The following CSMD1 variants were observed in gnomAD, a reference collection of about 807,000 sequenced individuals.
CSMD1 encodes CUB and Sushi multiple domains 1.
Under a neutral mutation model 417.5 loss-of-function variants are expected in CSMD1, and 213 were observed. The ratio of observed to expected loss-of-function variants is 0.51; its 90% CI spans 0.46 to 0.57. The LOEUF is 0.57. Among genes scored for constraint, CSMD1 ranks in the 20% least tolerant of loss-of-function variants. The pLI is 0.00. For missense variants in CSMD1, 6,923 were observed against 4,529.7 expected, an observed-to-expected ratio of 1.53 and a Z score of -15.17; for synonymous variants, 2,862 against 1,736.8, an observed-to-expected ratio of 1.65 and a Z score of -16.11.
In CSMD1 at chr8:3,419,958, C is replaced by T. The variant is rs56322726; in HGVS notation, c.1562-10353G>A. Among the ~76,000 whole-genome samples the T allele has an allele frequency of 3.9e-3, 598 of 152,208 alleles. 3 individuals carry two copies. Among genetic ancestry groups the T allele is most frequent in the African/African-American group, 0.013 (552 of 41,536 alleles). ...ACTTCCTGTGAGTTGCTAGAAGTAC[C>T]TGTTTACCTAATTGTGGATAATAAT... On this transcript the variant is annotated intron_variant, in intron 12 of 69. Transcript: ENST00000635120.
chr8:4,768,941 C>T (rs765872084), intron 1 of CSMD1, among the ~76,000 whole-genome samples: 4 of 152,108 alleles, frequency 2.6e-5, no homozygotes, highest in African/African-American at 4.8e-5. Flanking sequence ...CACCATTTAC[C>T]TAAAAGTCAG....
chr8:4,006,216 G>C (rs1377292165), intron 4 of CSMD1, among the ~76,000 whole-genome samples: 3 of 152,116 alleles, frequency 2.0e-5, no homozygotes, highest in Admixed American at 6.5e-5. Flanking sequence ...TTCCGGGACA[G>C]AAATATATTG....
chr8:3,241,020 G>A (rs186418727), intron 26 of CSMD1, among the ~76,000 whole-genome samples: 1,841 of 149,600 alleles, frequency 0.012, 102 homozygotes, highest in Admixed American at 0.089. Flanking sequence ...GTGCATGATC[G>A]GTCACCAAGG....
At chr8:3,833,282 G>A (rs939292006) in intron 5 of CSMD1, among the ~76,000 whole-genome samples, 4 of 151,984 alleles carry the variant, frequency 2.6e-5, no homozygotes, top group Non-Finnish European at 5.9e-5. Flanking sequence ...TTACAACACT[G>A]ATATCTGTTT....
intron 1 of CSMD1, among the ~76,000 whole-genome samples, chr8:4,660,442 T>C (rs1238772848): frequency 2.0e-5 from 3 of 152,028 alleles, no homozygotes; most frequent in Non-Finnish European, 4.4e-5. Context: ...AAGATATCAA[T>C]GATCCCAAAA....
chr8:3,907,566 G>A (rs73495996), intron 5 of CSMD1, among the ~76,000 whole-genome samples: 1 of 152,158 alleles, frequency 6.6e-6, no homozygotes, highest in African/African-American at 2.4e-5. Context: ...CCAAGTGTGA[G>A]TTACCAGTGG....
intron 3 of CSMD1, among the ~76,000 whole-genome samples, chr8:4,302,681 C>G (rs1019393717): frequency 5.9e-5 from 9 of 152,168 alleles, no homozygotes; most frequent in African/African-American, 2.2e-4. Context: ...GCATTCATCT[C>G]TACTAAACTG....
In CSMD1 at chr8:4,347,984, T is replaced by G. The variant is rs531365336; in HGVS notation, c.415+71969A>C. ...AATTTATACACGGGAAGCACTACAC[T>G]GGCAAACATGCGTCACTTATTTTAC... On this transcript the variant is annotated intron_variant, in intron 3 of 69. Transcript: ENST00000635120. 2.0e-5 allele frequency among the ~76,000 whole-genome samples: 3 copies of G among 152,240 alleles called. No individual in the cohort carries two copies. In the East Asian group the frequency reaches 5.8e-4, roughly 29 times the overall value.
chr8:3,041,649 G>A (rs1272083157), intron 50 of CSMD1, among the ~76,000 whole-genome samples: 2 of 152,222 alleles, frequency 1.3e-5, no homozygotes, highest in Non-Finnish European at 2.9e-5. Flanking sequence ...TACATAGATA[G>A]AAATGTGTGC....
chr8:4,321,306 C>T (rs1476168141), intron 3 of CSMD1, among the ~76,000 whole-genome samples: 1 of 152,094 alleles, frequency 6.6e-6, no homozygotes, highest in African/African-American at 2.4e-5. Context: ...CAGTCTCTTG[C>T]CTATTGTTTC....
At chr8:3,539,625 C>A (rs1174937358) in intron 10 of CSMD1, among the ~76,000 whole-genome samples, 1 of 152,148 alleles carries the variant, frequency 6.6e-6, no homozygotes, top group East Asian at 1.9e-4. Flanking sequence ...TAAATCCCAG[C>A]AAGGCTCCCT....
In CSMD1 at chr8:3,598,791, G is replaced by A. The variant is rs543936148; in HGVS notation, c.1098-12531C>T. The stretch of plus-strand genomic sequence containing the variant: ...AACAGCAGATACAAAGCACAGAAAA[G>A]CTGAAATTGGGCCAGGTGCAGTGAC... On this transcript the variant is annotated intron_variant, in intron 8 of 69. Coordinates refer to ENST00000635120, the MANE Select transcript of CSMD1 (RefSeq NM_033225.6). Among the ~76,000 whole-genome samples the A allele has an allele frequency of 5.3e-5, 8 of 152,200 alleles. No individual in the cohort carries two copies. The South Asian group carries it at 1.5e-3, about 28-fold the overall frequency.
rs540937735 is a variant in CSMD1, at chr8:3,632,430, T to C, written c.1010-15633A>G. ...TGGGATATGTCCATGTTATAGGAGA[T>C]TATTTTTTAATGAGAAAAACACCAA... On this transcript the variant is annotated intron_variant, in intron 7 of 69. Transcript: ENST00000635120. Among the ~76,000 whole-genome samples, 7 of 152,216 alleles carry C rather than the reference T, an allele frequency of 4.6e-5. No homozygotes were observed. In the East Asian group the frequency reaches 1.2e-3, roughly 25 times the overall value.
intron 5 of CSMD1, among the ~76,000 whole-genome samples, chr8:3,863,374 C>T (rs1021700161): frequency 7.1e-6 from 1 of 141,612 alleles, no homozygotes; most frequent in Non-Finnish European, 1.5e-5. Context: ...CTAGCCTAGG[C>T]TACAGCAATG....
rs145441874 is a variant in CSMD1, at chr8:4,144,417, C to G, written c.416-112318G>C. 1.6e-3 allele frequency among the ~76,000 whole-genome samples: 244 copies of G among 151,272 alleles called. 14 individuals are homozygous for G. The highest frequency in any genetic ancestry group is 5.5e-3 in the African/African-American group (225 of 40,592). ...TCTTTTCTGTTTTGCCAGGAAAAAT[C>G]TGAAGTGAAGAATCACATTTCTCTA... is the stretch of plus-strand genomic sequence containing the variant. On this transcript the variant is annotated intron_variant, in intron 3 of 69. Coordinates refer to ENST00000635120, the MANE Select transcript of CSMD1 (RefSeq NM_033225.6).
chr8:4,830,519 G>A (rs570117464), intron 1 of CSMD1, among the ~76,000 whole-genome samples: 5 of 152,288 alleles, frequency 3.3e-5, no homozygotes, highest in African/African-American at 9.6e-5. Context: ...GCCTGACAAT[G>A]GATTACCAGG....
In CSMD1 at chr8:4,745,248, G is replaced by C. The variant is rs184255682; in HGVS notation, c.86-107690C>G. Among the ~76,000 whole-genome samples, 433 of 152,246 alleles carry C rather than the reference G, an allele frequency of 2.8e-3. 5 individuals are homozygous for C. The highest frequency in any genetic ancestry group is 9.5e-3 in the African/African-American group (395 of 41,552). On this transcript the variant is annotated intron_variant, in intron 1 of 69. Transcript: ENST00000635120. ...GTTGTCTCAGCAGTTTTTGGTCCTA[G>C]AGAGAATTGTATTTTTCCTCTGGCA...
At chr8:4,026,716 G>A (rs948063655) in intron 4 of CSMD1, among the ~76,000 whole-genome samples, 1 of 152,152 alleles carries the variant, frequency 6.6e-6, no homozygotes, top group Non-Finnish European at 1.5e-5. Flanking sequence ...GAGATCAAGG[G>A]ACTTCTTTTT....
At chr8:4,137,212 T>G (rs1425429498) in intron 3 of CSMD1, among the ~76,000 whole-genome samples, 1 of 152,176 alleles carries the variant, frequency 6.6e-6, no homozygotes, top group East Asian at 1.9e-4. Context: ...TGGAAACAGT[T>G]GCCTTTAATT....
Sources: gnomAD v4.1 joint callset for allele counts (sites outside exome capture counted in the v4.1 genomes callset) on GRCh38, gnomAD v4.1.1 for gene constraint, MANE v1.5 for transcripts, NCBI Gene and HGNC (gene_info 2026-07-23, HGNC 2026-07-21) for gene names.